Variants in THOC1 observed in about 807,000 individuals in gnomAD.
THOC1 encodes THO complex 1.
A neutral mutation model predicts 97.3 loss-of-function variants in THOC1; 29 were observed. The observed-to-expected ratio is 0.30, with a 90% CI of 0.22 to 0.41. The LOEUF (loss-of-function observed/expected upper bound fraction) is 0.41, where lower values mean the gene tolerates loss of function less well. Ranked by LOEUF, THOC1 falls within the 10% of genes least tolerant of loss-of-function variation. The pLI, the probability that THOC1 is intolerant of heterozygous loss-of-function variation, is 1.00. For synonymous variants in THOC1, 255 were observed against 257.0 expected, an observed-to-expected ratio of 0.99 and a Z score of 0.07; for missense variants, 529 against 761.9, an observed-to-expected ratio of 0.69 and a Z score of 3.60.
intron 11 of THOC1, among the ~76,000 whole-genome samples, chr18:233,478 C>T (rs907715734): frequency 2.6e-5 from 4 of 152,040 alleles, no homozygotes; most frequent in Non-Finnish European, 5.9e-5. Flanking sequence ...CCCAGTTACT[C>T]GGGAGGCTGA....
chr18:248,444 T>G (rs1159224849), intron 9 of THOC1, among the ~76,000 whole-genome samples: 2 of 152,324 alleles, frequency 1.3e-5, no homozygotes, highest in South Asian at 2.1e-4. Flanking sequence ...CTAGGCAATC[T>G]CACCGAGCAG....
At chr18:227,807 G>A (rs796649000) in intron 11 of THOC1, among the ~76,000 whole-genome samples, 7 of 152,212 alleles carry the variant, frequency 4.6e-5, no homozygotes, top group Non-Finnish European at 7.4e-5. Context: ...AGCTGGAAGC[G>A]TCGAAGATTG....
Position 252,627 on chromosome 18 carries a change from A to G in THOC1, c.604-15T>C, listed in dbSNP as rs751146482. ...TCTTCAGTGTGCTAAATTGAAAAAA[A>G]AATGTATAGCCTGTCATGAAGCAGT... On this transcript the variant is annotated splice_polypyrimidine_tract_variant and intron_variant, in intron 8 of 20. Coordinates refer to ENST00000261600, the MANE Select transcript of THOC1 (RefSeq NM_005131.3). 2 of 1,595,802 alleles carry G rather than the reference A, an allele frequency of 1.3e-6. No individual in the cohort carries two copies. The highest frequency in any genetic ancestry group is 2.2e-5 in the South Asian group (2 of 89,030).
Position 259,292 on chromosome 18 carries a change from A to G in THOC1, c.425-17T>C. 6.4e-7 allele frequency: 1 copy of G among 1,565,288 alleles called. No individual in the cohort carries two copies. Among genetic ancestry groups the G allele is most frequent in the Non-Finnish European group, 8.7e-7 (1 of 1,145,668 alleles). On this transcript the variant is annotated splice_polypyrimidine_tract_variant and intron_variant, in intron 6 of 20. Coordinates refer to ENST00000261600, the MANE Select transcript of THOC1 (RefSeq NM_005131.3). ...TTAGGAGATCTAACAATATATGAAA[A>G]TGAACGTTACACAGAAAAGATAATT...
In THOC1 at chr18:224,159, G is replaced by A. The variant is rs890667182; in HGVS notation, c.1229C>T (p.Thr410Met). Residue 410 changes from threonine (T) to methionine (M), a missense_variant, in exon 16 of 21, where the codon ACG becomes ATG. Physicochemically the swap from Thr to Met is moderately conservative, Grantham distance 81. Coordinates refer to ENST00000261600, the MANE Select transcript of THOC1 (RefSeq NM_005131.3). ...VKERTSDTKP[T>M]RIIRKRTAPE... ...TGCTGTTCTCTTCCGAATTATTCTC[G>A]TAGGTTTGGTATCTGATGTTCTGTC... 6.2e-6 allele frequency: 10 copies of A among 1,609,368 alleles called. No individual in the cohort carries two copies. The highest frequency in any genetic ancestry group is 5.3e-5 in the African/African-American group (4 of 74,834).
chr18:257,742 G>A (rs1447568082), intron 7 of THOC1, among the ~76,000 whole-genome samples: 1 of 151,380 alleles, frequency 6.6e-6, no homozygotes. Flanking sequence ...GGCATTACCA[G>A]ATACAGACAA....
chr18:260,393 A>C, intron 4 of THOC1, 89 bp from the exon 5 acceptor site: 1 of 870,456 alleles, frequency 1.1e-6, no homozygotes, highest in Non-Finnish European at 1.6e-6. Context: ...ATATCTTAAA[A>C]GGTACACTTT....
chr18:215,714 TGGAAAGA>T, intron 19 of THOC1: 1 of 500,522 alleles, frequency 2.0e-6, no homozygotes, highest in South Asian at 2.7e-5. Flanking sequence ...ACCTCAGAGT[TGGAAAGA>T]CTCCCCACCC....
chr18:215,791 G>A (rs1910860908), intron 19 of THOC1: 1 of 337,954 alleles, frequency 3.0e-6, no homozygotes, highest in Non-Finnish European at 5.4e-6. Flanking sequence ...AAATACCCAG[G>A]GTTTATTTAG....
rs534210589 is a variant in THOC1, at chr18:221,410, T to C, written c.1370+2030A>G. Among the ~76,000 whole-genome samples, 14 of 152,260 alleles carry C rather than the reference T, an allele frequency of 9.2e-5. No individual in the cohort carries two copies. The East Asian group carries it at 2.3e-3, about 25-fold the overall frequency. On this transcript the variant is annotated intron_variant, in intron 17 of 20. Coordinates refer to ENST00000261600, the MANE Select transcript of THOC1 (RefSeq NM_005131.3). ...TAGAAAATAAAGTTTAAAATGTGTA[T>C]ATTTCTATTTTTTCCTTTTATCTTT...
intron 15 of THOC1, 21 bp downstream of exon 15, chr18:224,903 T>C (rs1375822337): frequency 1.3e-6 from 2 of 1,552,194 alleles, no homozygotes. Context: ...TGTATTTACC[T>C]TTCTTTCAGT....
intron 19 of THOC1, chr18:216,244 A>G (rs1910885839): frequency 4.9e-6 from 2 of 410,554 alleles, no homozygotes; most frequent in South Asian, 3.2e-5. Context: ...GAGCCACCGC[A>G]CCCACAGCCC....
chr18:247,290 T>G (rs916953476), intron 10 of THOC1, among the ~76,000 whole-genome samples: 1 of 152,234 alleles, frequency 6.6e-6, no homozygotes, highest in Admixed American at 6.5e-5. Context: ...GATCTTTAAG[T>G]AGCCAAGAAA....
At chr18:239,484 T>G (rs1404232408) in intron 11 of THOC1, among the ~76,000 whole-genome samples, 1 of 152,146 alleles carries the variant, frequency 6.6e-6, no homozygotes, top group East Asian at 1.9e-4. Flanking sequence ...TTTTGTATTT[T>G]TAGTACAGAC....
intron 11 of THOC1, among the ~76,000 whole-genome samples, chr18:240,616 A>T (rs547590): frequency 0.21 from 31,650 of 152,082 alleles, 3,469 homozygotes; most frequent in Non-Finnish European, 0.23. Context: ...GACTGACATG[A>T]CTGTCAGCAA....
intron 11 of THOC1, among the ~76,000 whole-genome samples, chr18:238,389 AC>A (rs1207696996): frequency 6.6e-6 from 1 of 152,202 alleles, no homozygotes; most frequent in Admixed American, 6.5e-5. Context: ...AACTTTCTGT[AC>A]TAATAATGTG....
intron 7 of THOC1, among the ~76,000 whole-genome samples, chr18:257,240 T>G (rs944259917): frequency 6.6e-6 from 1 of 152,240 alleles, no homozygotes; most frequent in African/African-American, 2.4e-5. Context: ...AGTTGATCCT[T>G]ATTATTCATG....
At chr18:216,294 G>A (rs1910887287) in intron 19 of THOC1, 192 bp downstream of exon 19, 1 of 650,972 alleles carries the variant, frequency 1.5e-6, no homozygotes. Flanking sequence ...AAAATTATCA[G>A]TTACTTCTTT....
At chr18:221,203 A>G (rs1468105876) in intron 17 of THOC1, among the ~76,000 whole-genome samples, 1 of 152,152 alleles carries the variant, frequency 6.6e-6, no homozygotes, top group Non-Finnish European at 1.5e-5. Flanking sequence ...CAAGCCTGTT[A>G]ATTATTTTGT....
Sources: allele counts gnomAD v4.1 joint callset (sites outside exome capture counted in the v4.1 genomes callset), GRCh38; gene constraint gnomAD v4.1.1; transcripts MANE v1.5; gene names NCBI Gene and HGNC (gene_info 2026-07-23, HGNC 2026-07-21).